The following PRKG1 variants were observed in gnomAD, a reference collection of about 807,000 sequenced individuals.
The protein encoded by PRKG1 is protein kinase cGMP-dependent 1, also known as cGMP-dependent protein kinase 1.
Under a neutral mutation model 88.1 loss-of-function variants are expected in PRKG1, and 35 were observed. The observed-to-expected ratio is 0.40, with a 90% CI of 0.30 to 0.53. The LOEUF is 0.53. PRKG1 is among the 20% of genes least tolerant of loss of function. The probability of loss-of-function intolerance (pLI) is 0.59; values close to 1 mark genes in which losing one functional copy is unlikely to be tolerated. For synonymous variants in PRKG1, 303 were observed against 292.5 expected, an observed-to-expected ratio of 1.04 and a Z score of -0.37; for missense variants, 540 against 839.8, an observed-to-expected ratio of 0.64 and a Z score of 4.41.
At chr10:51,194,156 C>G (rs1250987077) in intron 2 of PRKG1, among the ~76,000 whole-genome samples, 2 of 151,706 alleles carry the variant, frequency 1.3e-5, no homozygotes, top group African/African-American at 4.8e-5. Context: ...AAAACCACAT[C>G]TATTATTCTA....
chr10:51,388,483 G>A (rs1043391177), intron 2 of PRKG1, among the ~76,000 whole-genome samples: 8 of 151,936 alleles, frequency 5.3e-5, no homozygotes, highest in Non-Finnish European at 1.2e-4. Flanking sequence ...ATATAGTCTT[G>A]AGCCTCAAGT....
chr10:52,076,853 T>C (rs2133296363), intron 7 of PRKG1, among the ~76,000 whole-genome samples: 2 of 152,242 alleles, frequency 1.3e-5, no homozygotes, highest in South Asian at 2.1e-4. Context: ...GATTAGTCAT[T>C]AGGGAAATGA....
At position 51,377,530 on chromosome 10, in the gene PRKG1, T is replaced by C. The variant is rs547707510; in HGVS notation, c.479-90193T>C. Among the ~76,000 whole-genome samples the C allele has an allele frequency of 5.9e-5, 9 of 152,200 alleles. No individual in the cohort carries two copies. In the East Asian group the frequency reaches 1.7e-3, roughly 29 times the overall value. ...TGCTAGCACTGCTGAAAAGACAACA[T>C]AGTAGAATACAAGCCATGAAGCGGG... On this transcript the variant is annotated intron_variant, in intron 2 of 17. Transcript: ENST00000373980.
chr10:51,850,489 T>TATATA (rs1840521458), intron 4 of PRKG1, among the ~76,000 whole-genome samples: 1 of 143,572 alleles, frequency 7.0e-6, no homozygotes, highest in African/African-American at 2.5e-5. Context: ...TGTTGCAATT[T>TATATA]TATATATATA....
chr10:52,285,245 C>T (rs370198987), intron 14 of PRKG1, among the ~76,000 whole-genome samples: 2 of 152,010 alleles, frequency 1.3e-5, no homozygotes, highest in African/African-American at 2.4e-5. Flanking sequence ...TGATTCAGCT[C>T]GTCTATTCCA....
At position 52,269,063 on chromosome 10, in the gene PRKG1, T is replaced by TAA. The variant is rs112305020; in HGVS notation, c.1174-2275_1174-2274dup. 7.2e-3 allele frequency among the ~76,000 whole-genome samples: 1,022 copies of TAA among 142,360 alleles called. 3 individuals carry two copies. Among genetic ancestry groups the TAA allele is most frequent in the Non-Finnish European group, 9.0e-3 (581 of 64,458 alleles). 93.4% of individuals were successfully genotyped at this position (142,360 alleles called of 152,430 possible). On this transcript the variant is annotated intron_variant, in intron 10 of 17. Transcript: ENST00000373980. ...TTTCCTCCTACCCTGTGTACAAGTA[T>TAA]AAAAAAAAAAAAATCTGTGTATCTG...
At chr10:51,543,551 A>G (rs565207209) in intron 3 of PRKG1, among the ~76,000 whole-genome samples, 27 of 152,178 alleles carry the variant, frequency 1.8e-4, no homozygotes, top group Non-Finnish European at 3.4e-4. Context: ...GCTTCTACAG[A>G]TATTACTAAA....
intron 3 of PRKG1, among the ~76,000 whole-genome samples, chr10:51,520,853 G>A (rs566124070): frequency 6.6e-6 from 1 of 152,312 alleles, no homozygotes; most frequent in East Asian, 1.9e-4. Flanking sequence ...GTACTTGGAT[G>A]TATTACTTAT....
At chr10:51,760,877 G>A (rs938445238) in intron 3 of PRKG1, among the ~76,000 whole-genome samples, 12 of 152,188 alleles carry the variant, frequency 7.9e-5, no homozygotes, top group African/African-American at 2.7e-4. Context: ...CACCGCGGGA[G>A]GCTGAAGCGG....
chr10:51,694,966 A>G (rs1242608603), intron 3 of PRKG1, among the ~76,000 whole-genome samples: 1 of 152,160 alleles, frequency 6.6e-6, no homozygotes. Flanking sequence ...GTTTTTTGAA[A>G]TGGAAATAGT....
intron 2 of PRKG1, among the ~76,000 whole-genome samples, chr10:51,254,957 C>T (rs1478554465): frequency 6.6e-6 from 1 of 152,014 alleles, no homozygotes; most frequent in African/African-American, 2.4e-5. Context: ...ATAATAACGT[C>T]GATTTTGTTA....
intron 3 of PRKG1, among the ~76,000 whole-genome samples, chr10:51,606,593 T>G (rs1189891073): frequency 6.6e-6 from 1 of 152,190 alleles, no homozygotes; most frequent in Non-Finnish European, 1.5e-5. Flanking sequence ...GGGAGTCATC[T>G]GGATAAAAGA....
intron 3 of PRKG1, among the ~76,000 whole-genome samples, chr10:51,790,102 C>A (rs367569407): frequency 6.6e-6 from 1 of 152,138 alleles, no homozygotes; most frequent in East Asian, 1.9e-4. Flanking sequence ...GGATTACAGG[C>A]GTCAGCCACC....
At chr10:52,099,964 T>G (rs1419991107) in intron 7 of PRKG1, among the ~76,000 whole-genome samples, 2 of 152,218 alleles carry the variant, frequency 1.3e-5, no homozygotes, top group Non-Finnish European at 2.9e-5. Context: ...TTATTTATTT[T>G]ATTATCGATG....
At chr10:51,794,772 T>TA (rs965610526) in intron 3 of PRKG1, among the ~76,000 whole-genome samples, 23 of 150,426 alleles carry the variant, frequency 1.5e-4, no homozygotes, top group Admixed American at 6.6e-4. Flanking sequence ...ATTTAAAAAA[T>TA]AAAAAAAAAT....
chr10:51,108,228 G>A (rs1169916729), intron 1 of PRKG1, among the ~76,000 whole-genome samples: 1 of 152,036 alleles, frequency 6.6e-6, no homozygotes, highest in East Asian at 1.9e-4. Context: ...TTGAAAAGGA[G>A]GGGATATTTT....
chr10:51,289,557 A>G (rs1840529129), intron 2 of PRKG1, among the ~76,000 whole-genome samples: 1 of 152,052 alleles, frequency 6.6e-6, no homozygotes, highest in East Asian at 1.9e-4. Flanking sequence ...ATTGTACTAG[A>G]TGTATCATTT....
intron 7 of PRKG1, among the ~76,000 whole-genome samples, chr10:52,120,698 T>A (rs138932828): frequency 4.0e-4 from 61 of 152,144 alleles, no homozygotes; most frequent in Non-Finnish European, 6.3e-4. Flanking sequence ...GGGACAGGAG[T>A]TGGGCTCCCC....
intron 5 of PRKG1, among the ~76,000 whole-genome samples, chr10:51,980,971 G>A (rs1843993199): frequency 6.6e-6 from 1 of 152,046 alleles, no homozygotes. Flanking sequence ...AGGACATTTA[G>A]CCTGTTTACA....
Sources: allele counts gnomAD v4.1 joint callset (sites outside exome capture counted in the v4.1 genomes callset), GRCh38; gene constraint gnomAD v4.1.1; transcripts MANE v1.5; gene names NCBI Gene and HGNC (gene_info 2026-07-23, HGNC 2026-07-21).